SYT16: variants seen among roughly 807,000 people sequenced by gnomAD.
The protein encoded by SYT16 is synaptotagmin-16.
A neutral mutation model predicts 61.4 loss-of-function variants in SYT16; 42 were observed. The observed-to-expected ratio is 0.68, with a 90% CI of 0.53 to 0.89. SYT16 has a LOEUF of 0.89. Ranked by LOEUF, SYT16 falls within the 40% of genes least tolerant of loss-of-function variation. The probability of loss-of-function intolerance (pLI) is 0.00; values close to 1 mark genes in which losing one functional copy is unlikely to be tolerated. For synonymous variants in SYT16, 314 were observed against 302.3 expected (o/e 1.04, Z -0.40); for missense variants, 804 against 807.3 (o/e 1.00, Z 0.05).
intron 3 of SYT16, among the ~76,000 whole-genome samples, chr14:62,046,481 G>T (rs1595254741): frequency 6.6e-6 from 1 of 151,966 alleles, no homozygotes; most frequent in South Asian, 2.1e-4. Context: ...GCCAATTTTG[G>T]CTTTTGTTGC....
At chr14:61,967,182 G>C (rs1288987111) in intron 1 of SYT16, among the ~76,000 whole-genome samples, 1 of 152,208 alleles carries the variant, frequency 6.6e-6, no homozygotes, top group East Asian at 1.9e-4. Flanking sequence ...TGTGACCTAC[G>C]TTTGGGGAAC....
rs116060528 is a variant in SYT16, at chr14:61,819,524, G to A, written c.-325+6714G>A. On this transcript the variant is annotated intron_variant, in intron 1 of 7. Transcript: ENST00000683842. ...TGTGAGAATATAATATTCTTCTGGC[G>A]TCTAATTTTAGGAATATAATAAGTC... 7.2e-3 allele frequency among the ~76,000 whole-genome samples: 1,099 copies of A among 152,170 alleles called. 11 individuals are homozygous for A. The highest frequency in any genetic ancestry group is 0.024 in the African/African-American group (1,007 of 41,482).
At chr14:61,906,311 C>T (rs2048707900) in intron 1 of SYT16, among the ~76,000 whole-genome samples, 1 of 152,104 alleles carries the variant, frequency 6.6e-6, no homozygotes, top group Admixed American at 6.5e-5. Flanking sequence ...GTAGCACAGT[C>T]TTTCTCTGTT....
chr14:61,989,333 C>A (rs902294267), intron 2 of SYT16, among the ~76,000 whole-genome samples: 1 of 152,000 alleles, frequency 6.6e-6, no homozygotes, highest in African/African-American at 2.4e-5. Flanking sequence ...GAGGTTGAGG[C>A]GGGTGGATAA....
intron 3 of SYT16, among the ~76,000 whole-genome samples, chr14:62,062,502 C>G (rs1180774594): frequency 2.6e-5 from 4 of 152,190 alleles, no homozygotes; most frequent in African/African-American, 9.7e-5. Flanking sequence ...GGCATTGAAG[C>G]TCCTTTGGGG....
intron 1 of SYT16, among the ~76,000 whole-genome samples, chr14:61,835,320 G>A (rs370735347): frequency 4.7e-4 from 68 of 146,014 alleles, no homozygotes; most frequent in East Asian, 1.6e-3. Context: ...GTGCAGTGGC[G>A]CGGTCTCGGC....
chr14:61,856,024 T>C (rs534072609), intron 1 of SYT16, among the ~76,000 whole-genome samples: 2 of 152,102 alleles, frequency 1.3e-5, no homozygotes, highest in Non-Finnish European at 1.5e-5. Flanking sequence ...CAGGAGTGTA[T>C]GTGGTGTGGT....
chr14:62,014,625 G>A (rs904475448), intron 3 of SYT16, among the ~76,000 whole-genome samples: 3 of 151,844 alleles, frequency 2.0e-5, no homozygotes, highest in Admixed American at 6.6e-5. Flanking sequence ...GTAGAGACGG[G>A]GTTTCACCAT....
intron 1 of SYT16, among the ~76,000 whole-genome samples, chr14:61,851,556 A>T (rs562901471): frequency 2.6e-5 from 4 of 152,248 alleles, no homozygotes; most frequent in African/African-American, 9.6e-5. Context: ...TTTCCTCCAC[A>T]ACCTTGCCAG....
intron 7 of SYT16, among the ~76,000 whole-genome samples, chr14:62,098,969 G>A (rs1317970274): frequency 1.3e-5 from 2 of 152,152 alleles, no homozygotes; most frequent in Admixed American, 1.3e-4. Flanking sequence ...TCAGAGCATG[G>A]GGAACATGTA....
At chr14:62,020,962 C>T (rs2053885722) in intron 3 of SYT16, among the ~76,000 whole-genome samples, 1 of 152,128 alleles carries the variant, frequency 6.6e-6, no homozygotes, top group African/African-American at 2.4e-5. Flanking sequence ...TGAGCTGTTT[C>T]TGATTTTTAA....
intron 7 of SYT16, among the ~76,000 whole-genome samples, chr14:62,097,201 C>A (rs180947652): frequency 6.6e-6 from 1 of 151,932 alleles, no homozygotes; most frequent in Non-Finnish European, 1.5e-5. Context: ...GTACAAGTGG[C>A]GTCTTCCTTT....
At chr14:62,045,595 C>G (rs1182061119) in intron 3 of SYT16, among the ~76,000 whole-genome samples, 1 of 152,142 alleles carries the variant, frequency 6.6e-6, no homozygotes, top group Non-Finnish European at 1.5e-5. Flanking sequence ...AATGCTATCT[C>G]TCCCCACTTC....
At chr14:62,083,447 G>A (rs929420392) in intron 6 of SYT16, among the ~76,000 whole-genome samples, 2 of 152,060 alleles carry the variant, frequency 1.3e-5, no homozygotes, top group African/African-American at 4.8e-5. Context: ...TCCTCCTCCC[G>A]ATGTGCCCGT....
chr14:61,923,260 C>G (rs777197627), intron 1 of SYT16, among the ~76,000 whole-genome samples: 3 of 152,132 alleles, frequency 2.0e-5, no homozygotes, highest in Non-Finnish European at 4.4e-5. Flanking sequence ...ACAACTCTCT[C>G]TCTCTACCTT....
intron 2 of SYT16, among the ~76,000 whole-genome samples, chr14:61,976,688 C>A (rs1338117597): frequency 2.6e-5 from 4 of 152,090 alleles, no homozygotes; most frequent in African/African-American, 9.7e-5. Context: ...ACAGCAAGGC[C>A]CTGGGCCTGG....
chr14:62,077,397 C>G (rs1359415900), intron 5 of SYT16, among the ~76,000 whole-genome samples: 1 of 152,246 alleles, frequency 6.6e-6, no homozygotes, highest in East Asian at 1.9e-4. Context: ...TTTTCGAGCT[C>G]TGCTCTTCTC....
intron 1 of SYT16, chr14:61,865,397 T>G: frequency 1.6e-6 from 1 of 618,312 alleles, no homozygotes; most frequent in South Asian, 1.4e-5. Flanking sequence ...ATTTATGTGA[T>G]TTACAAACTG....
chr14:62,069,076 G>A (rs1415190977), intron 3 of SYT16, among the ~76,000 whole-genome samples: 1 of 152,186 alleles, frequency 6.6e-6, no homozygotes, highest in Non-Finnish European at 1.5e-5. Flanking sequence ...GATTACAGGC[G>A]TGAGCCACTG....
Sources: gnomAD v4.1 joint callset for allele counts (sites outside exome capture counted in the v4.1 genomes callset) on GRCh38, gnomAD v4.1.1 for gene constraint, MANE v1.5 for transcripts, NCBI Gene and HGNC (gene_info 2026-07-23, HGNC 2026-07-21) for gene names.